Variants in SNTG1 observed in about 807,000 individuals in gnomAD.
The protein encoded by SNTG1 is gamma-1-syntrophin.
A neutral mutation model predicts 74.7 loss-of-function variants in SNTG1; 39 were observed. That is an observed-to-expected ratio of 0.52 (90% CI 0.40 to 0.68). The LOEUF is 0.68. SNTG1 is among the 30% of genes least tolerant of loss of function. The pLI, the probability that SNTG1 is intolerant of heterozygous loss-of-function variation, is 0.00. For synonymous variants in SNTG1, 254 were observed against 217.1 expected (o/e 1.17, Z -1.49); for missense variants, 685 against 609.5 (o/e 1.12, Z -1.30).
intron 1 of SNTG1, among the ~76,000 whole-genome samples, chr8:50,157,165 G>T (rs1443893715): frequency 1.3e-5 from 2 of 152,106 alleles, no homozygotes; most frequent in Non-Finnish European, 1.5e-5. Flanking sequence ...AATATCTATA[G>T]ATGTATGGAC....
At chr8:49,979,702 C>T (rs375047307) in intron 1 of SNTG1, among the ~76,000 whole-genome samples, 17 of 152,282 alleles carry the variant, frequency 1.1e-4, no homozygotes, top group African/African-American at 4.1e-4. Flanking sequence ...GCGGGCAGGA[C>T]CAGGCCAGTT....
intron 1 of SNTG1, among the ~76,000 whole-genome samples, chr8:50,083,726 A>G (rs1460246076): frequency 1.3e-5 from 2 of 152,200 alleles, no homozygotes; most frequent in Non-Finnish European, 2.9e-5. Context: ...TAACACAGAT[A>G]TGTATCTGTG....
chr8:50,452,457 C>T (rs1047986913), intron 8 of SNTG1, among the ~76,000 whole-genome samples: 2 of 152,150 alleles, frequency 1.3e-5, no homozygotes, highest in Admixed American at 1.3e-4. Context: ...ACTCATTACC[C>T]AGGGAGTAAA....
rs547534965 is a variant in SNTG1, at chr8:50,403,956, A to C, written c.162+1612A>C. 1.4e-3 allele frequency among the ~76,000 whole-genome samples: 208 copies of C among 152,302 alleles called. 1 individual carries two copies. The highest frequency in any genetic ancestry group is 4.8e-3 in the African/African-American group (200 of 41,582). ...GTTCACCATGCTCCTACAGCAAGTC[A>C]CAAACGATATATAAAGAACAAAAAT... On this transcript the variant is annotated intron_variant, in intron 4 of 18. Transcript: ENST00000642720.
At chr8:50,163,825 A>T (rs1413710915) in intron 1 of SNTG1, 1 of 152,158 alleles carries the variant, frequency 6.6e-6, no homozygotes, top group Admixed American at 6.5e-5. Context: ...ATAATAGAAG[A>T]TTATTTAGAC....
At chr8:50,159,259 C>T (rs1296897794) in intron 1 of SNTG1, among the ~76,000 whole-genome samples, 1 of 151,936 alleles carries the variant, frequency 6.6e-6, no homozygotes, top group Non-Finnish European at 1.5e-5. Context: ...TGTTACTAAA[C>T]TCTTTAGGTA....
intron 12 of SNTG1, among the ~76,000 whole-genome samples, chr8:50,584,696 A>G (rs2094635932): frequency 6.6e-6 from 1 of 152,030 alleles, no homozygotes; most frequent in South Asian, 2.1e-4. Context: ...TAGTTTAGAC[A>G]GTATCTGGAA....
chr8:49,978,303 G>A lies in SNTG1; in HGVS notation c.-103+66072G>A, dbSNP rs551858103. Among the ~76,000 whole-genome samples, 61 of 152,118 alleles carry A rather than the reference G, an allele frequency of 4.0e-4. 1 individual carries two copies. Among genetic ancestry groups the A allele is most frequent in the South Asian group, 2.1e-3 (10 of 4,820 alleles). ...AAGAAAGGGGGAAGAGGAGAGGAGA[G>A]GGAAGAAGAGAACAGGGCTAGAATG... is the stretch of plus-strand genomic sequence containing the variant. On this transcript the variant is annotated intron_variant, in intron 1 of 18. Transcript: ENST00000642720.
At chr8:49,951,556 A>G (rs2129391730) in intron 1 of SNTG1, among the ~76,000 whole-genome samples, 2 of 151,784 alleles carry the variant, frequency 1.3e-5, no homozygotes, top group Non-Finnish European at 2.9e-5. Context: ...GGAATTGAAC[A>G]ATGAGATCAC....
chr8:50,536,951 C>A, intron 11 of SNTG1, 143 bp downstream of exon 11: 1 of 1,041,610 alleles, frequency 9.6e-7, no homozygotes, highest in Non-Finnish European at 1.3e-6. Context: ...AATAATCTAA[C>A]AAAGTTAAAC....
At chr8:50,258,641 G>A (rs1057062925) in intron 2 of SNTG1, among the ~76,000 whole-genome samples, 10 of 152,046 alleles carry the variant, frequency 6.6e-5, no homozygotes, top group African/African-American at 2.2e-4. Context: ...TAATTAAAAC[G>A]AACTATTCAC....
chr8:50,157,417 AT>A (rs1223861900), intron 1 of SNTG1, among the ~76,000 whole-genome samples: 1 of 152,072 alleles, frequency 6.6e-6, no homozygotes, highest in Non-Finnish European at 1.5e-5. Flanking sequence ...TGTCCCCCCA[AT>A]AAACACTTAT....
chr8:50,416,578 G>T (rs1006771859), intron 4 of SNTG1, among the ~76,000 whole-genome samples: 1 of 152,042 alleles, frequency 6.6e-6, no homozygotes, highest in Non-Finnish European at 1.5e-5. Context: ...GAAATTTGAG[G>T]TGTTACTGTG....
At chr8:50,378,028 C>G (rs140424442) in intron 2 of SNTG1, among the ~76,000 whole-genome samples, 8 of 152,298 alleles carry the variant, frequency 5.3e-5, no homozygotes, top group African/African-American at 1.7e-4. Context: ...TGGGCTCGTT[C>G]CGCCCACTCG....
At chr8:49,985,886 C>T (rs1438543159) in intron 1 of SNTG1, among the ~76,000 whole-genome samples, 2 of 151,930 alleles carry the variant, frequency 1.3e-5, no homozygotes, top group Non-Finnish European at 2.9e-5. Flanking sequence ...CTGATATGAC[C>T]TTTATATTTT....
intron 1 of SNTG1, among the ~76,000 whole-genome samples, chr8:50,074,016 T>A (rs1484544668): frequency 2.6e-5 from 4 of 151,060 alleles, no homozygotes; most frequent in Admixed American, 6.6e-5. Context: ...CAACTTAAAG[T>A]CATTAGCTGA....
intron 2 of SNTG1, among the ~76,000 whole-genome samples, chr8:50,244,088 G>A (rs1316679791): frequency 6.6e-6 from 1 of 152,108 alleles, no homozygotes. Flanking sequence ...AGGACTCAGG[G>A]AGCTTTTACT....
intron 2 of SNTG1, among the ~76,000 whole-genome samples, chr8:50,301,796 A>C (rs1183493813): frequency 6.6e-6 from 1 of 151,784 alleles, no homozygotes; most frequent in Non-Finnish European, 1.5e-5. Context: ...GTCTGCCCTG[A>C]AACATGTATT....
chr8:50,088,095 T>C (rs1487497785), intron 1 of SNTG1, among the ~76,000 whole-genome samples: 2 of 150,708 alleles, frequency 1.3e-5, no homozygotes, highest in Non-Finnish European at 3.0e-5. Context: ...TCCATGTCCC[T>C]ACAAAGGACA....
Sources: allele counts gnomAD v4.1 joint callset (sites outside exome capture counted in the v4.1 genomes callset), GRCh38; gene constraint gnomAD v4.1.1; transcripts MANE v1.5; gene names NCBI Gene and HGNC (gene_info 2026-07-23, HGNC 2026-07-21).